TENM3: variants seen among roughly 807,000 people sequenced by gnomAD.
TENM3 encodes teneurin-3.
Under a neutral mutation model 255.1 loss-of-function variants are expected in TENM3, and 63 were observed. That is an observed-to-expected ratio of 0.25 (90% CI 0.20 to 0.30). The LOEUF (loss-of-function observed/expected upper bound fraction) is 0.30, where lower values mean the gene tolerates loss of function less well. TENM3 is among the 10% of genes least tolerant of loss of function. The pLI is 1.00. For synonymous variants in TENM3, 1,306 were observed against 1,322.3 expected, an observed-to-expected ratio of 0.99 and a Z score of 0.27; for missense variants, 2,929 against 3,461.1, an observed-to-expected ratio of 0.85 and a Z score of 3.86.
At chr4:182,674,948 C>T (rs748048016) in intron 7 of TENM3, among the ~76,000 whole-genome samples, 1 of 152,014 alleles carries the variant, frequency 6.6e-6, no homozygotes, top group African/African-American at 2.4e-5. Context: ...ATGATCTCGG[C>T]TCGCCACAAC....
chr4:182,439,698 C>T (rs776217526), intron 3 of TENM3, among the ~76,000 whole-genome samples: 4 of 152,198 alleles, frequency 2.6e-5, no homozygotes, highest in Non-Finnish European at 5.9e-5. Flanking sequence ...CATTATTCTA[C>T]TAGAATTATT....
At chr4:181,755,204 G>A in the TENM3 span, among the ~76,000 whole-genome samples, 1 of 152,044 alleles carries the variant, frequency 6.6e-6, no homozygotes, top group African/African-American at 2.4e-5. Context: ...GGGAACAAAA[G>A]GCCTCCTAAT....
At chr4:182,488,592 G>A (rs1561500244) in intron 3 of TENM3, among the ~76,000 whole-genome samples, 2 of 152,028 alleles carry the variant, frequency 1.3e-5, no homozygotes, top group South Asian at 2.1e-4. Context: ...GTCAAGCCAA[G>A]AAAACAAAGG....
At chr4:181,667,314 G>C in the TENM3 span, among the ~76,000 whole-genome samples, 1 of 152,170 alleles carries the variant, frequency 6.6e-6, no homozygotes, top group Admixed American at 6.5e-5. Flanking sequence ...CTTCCAGACT[G>C]GTCATCCAAA....
chr4:181,836,209 A>ACACAC, the TENM3 span, among the ~76,000 whole-genome samples: 1 of 150,886 alleles, frequency 6.6e-6, no homozygotes, highest in South Asian at 2.1e-4. Flanking sequence ...ACACACACAC[A>ACACAC]ACTTCCCCTT....
the TENM3 span, among the ~76,000 whole-genome samples, chr4:182,044,374 C>T: frequency 1.3e-5 from 2 of 152,344 alleles, no homozygotes; most frequent in Admixed American, 1.3e-4. Context: ...TATGCTCTTA[C>T]TGCATACGTT....
chr4:182,603,022 G>A (rs112435585), intron 4 of TENM3, among the ~76,000 whole-genome samples: 8 of 152,162 alleles, frequency 5.3e-5, no homozygotes, highest in Admixed American at 1.3e-4. Flanking sequence ...TTAGCATTCC[G>A]TGAAACCATG....
At chr4:182,147,834 G>A (rs4862031) in intron 1 of TENM3, among the ~76,000 whole-genome samples, 102,393 of 152,034 alleles carry the variant, frequency 0.67, 34,638 homozygotes, top group African/African-American at 0.74. Context: ...TAGCCCGTAG[G>A]AAAATTGAAC....
chr4:182,403,776 C>A (rs1309189158), intron 3 of TENM3, among the ~76,000 whole-genome samples: 2 of 152,266 alleles, frequency 1.3e-5, no homozygotes, highest in East Asian at 3.9e-4. Flanking sequence ...GGCTGTGGTG[C>A]AGTGGCATGA....
At chr4:181,715,723 A>G in the TENM3 span, among the ~76,000 whole-genome samples, 1 of 152,192 alleles carries the variant, frequency 6.6e-6, no homozygotes, top group Non-Finnish European at 1.5e-5. Context: ...CCTATCAATC[A>G]TTGGGACAAC....
chr4:182,012,199 A>G, the TENM3 span, among the ~76,000 whole-genome samples: 2 of 152,176 alleles, frequency 1.3e-5, no homozygotes, highest in Non-Finnish European at 2.9e-5. Context: ...TTGCACCATC[A>G]AGTCATGAGG....
At chr4:181,523,791 A>G in the TENM3 span, among the ~76,000 whole-genome samples, 2 of 152,222 alleles carry the variant, frequency 1.3e-5, no homozygotes, top group Non-Finnish European at 2.9e-5. Flanking sequence ...GCCACAAAGT[A>G]GTTTTAACCT....
chr4:182,346,243 G>T (rs1237428388), intron 2 of TENM3, among the ~76,000 whole-genome samples: 2 of 152,142 alleles, frequency 1.3e-5, no homozygotes, highest in African/African-American at 4.8e-5. Flanking sequence ...TGACATCTGG[G>T]TGGGAAAATT....
the TENM3 span, among the ~76,000 whole-genome samples, chr4:181,939,592 C>T: frequency 2.6e-5 from 4 of 152,358 alleles, no homozygotes; most frequent in Non-Finnish European, 4.4e-5. Flanking sequence ...TGGACCTCTT[C>T]CGTGATCTGT....
chr4:182,089,601 A>G, the TENM3 span, among the ~76,000 whole-genome samples: 1 of 152,208 alleles, frequency 6.6e-6, no homozygotes, highest in Non-Finnish European at 1.5e-5. Context: ...ACTCTCTCTC[A>G]TGTAACAGAA....
intron 3 of TENM3, among the ~76,000 whole-genome samples, chr4:182,504,146 C>T (rs1736589135): frequency 6.6e-6 from 1 of 151,846 alleles, no homozygotes; most frequent in African/African-American, 2.4e-5. Context: ...GGAAACTGCT[C>T]AAACATATCT....
At chr4:181,801,651 AATATATATAT>A in the TENM3 span, among the ~76,000 whole-genome samples, 815 of 80,840 alleles carry the variant, frequency 0.01, 8 homozygotes, top group Non-Finnish European at 0.013. Flanking sequence ...AGAATTGTAA[AATATATATAT>A]ATATATATAT....
At chr4:182,075,549 G>A in the TENM3 span, among the ~76,000 whole-genome samples, 1 of 152,144 alleles carries the variant, frequency 6.6e-6, no homozygotes, top group South Asian at 2.1e-4. Context: ...AGCAAGACCT[G>A]TCTGTAGGCT....
intron 3 of TENM3, among the ~76,000 whole-genome samples, chr4:182,525,379 C>T (rs1739049473): frequency 6.6e-6 from 1 of 152,188 alleles, no homozygotes; most frequent in African/African-American, 2.4e-5. Context: ...TCCAGTTTTA[C>T]AGATTAGGAT....
Sources: allele counts gnomAD v4.1 joint callset (sites outside exome capture counted in the v4.1 genomes callset), GRCh38; gene constraint gnomAD v4.1.1; transcripts MANE v1.5; gene names NCBI Gene and HGNC (gene_info 2026-07-23, HGNC 2026-07-21).